Variants in TEX14 observed in about 807,000 individuals in gnomAD.
The protein encoded by TEX14 is inactive serine/threonine-protein kinase TEX14.
In TEX14, 168 loss-of-function variants were observed where a neutral mutation model predicts 178.6. That is an observed-to-expected ratio of 0.94 (90% CI 0.83 to 1.07). TEX14 has a LOEUF of 1.07. Among genes scored for constraint, TEX14 ranks in the 50% least tolerant of loss-of-function variants. The probability of loss-of-function intolerance (pLI) is 0.00; values close to 1 mark genes in which losing one functional copy is unlikely to be tolerated. For missense variants in TEX14, 1,730 were observed against 1,753.6 expected, an observed-to-expected ratio of 0.99 and a Z score of 0.24; for synonymous variants, 626 against 634.1, an observed-to-expected ratio of 0.99 and a Z score of 0.19.
intron 1 of TEX14, among the ~76,000 whole-genome samples, chr17:58,665,635 T>A (rs1291120525): frequency 6.6e-6 from 1 of 151,728 alleles, no homozygotes; most frequent in African/African-American, 2.4e-5. Flanking sequence ...ACTCATTGCG[T>A]TTACCTCACT....
intron 1 of TEX14, among the ~76,000 whole-genome samples, chr17:58,657,053 C>T (rs181212655): frequency 2.7e-4 from 41 of 152,088 alleles, no homozygotes; most frequent in Non-Finnish European, 4.9e-4. Flanking sequence ...AAACAATCCT[C>T]CTGCCTCAGG....
chr17:58,666,048 A>G (rs2047197788), intron 1 of TEX14, among the ~76,000 whole-genome samples: 1 of 147,282 alleles, frequency 6.8e-6, no homozygotes, highest in Non-Finnish European at 1.5e-5. Flanking sequence ...CTCTGTCTCA[A>G]AAAAAAAAAA....
intron 1 of TEX14, chr17:58,660,880 A>C (rs200691112): frequency 1.2e-6 from 1 of 801,000 alleles, no homozygotes; most frequent in African/African-American, 1.7e-5. Context: ...GTTTCATTGG[A>C]GGCCTCTTCT....
intron 21 of TEX14, among the ~76,000 whole-genome samples, chr17:58,575,264 G>A (rs1403071879): frequency 3.9e-5 from 6 of 151,928 alleles, no homozygotes; most frequent in African/African-American, 1.2e-4. Flanking sequence ...ACAGGCATGC[G>A]CCACCACGCC....
chr17:58,592,659 C>T (rs1027253520), intron 15 of TEX14, among the ~76,000 whole-genome samples: 2 of 151,708 alleles, frequency 1.3e-5, no homozygotes, highest in African/African-American at 4.8e-5. Context: ...GAGCTTCCAC[C>T]TCCCAAGTAG....
chr17:58,562,159 G>GCTTTTTGT (rs1220998635), intron 28 of TEX14, among the ~76,000 whole-genome samples: 1 of 152,136 alleles, frequency 6.6e-6, no homozygotes, highest in African/African-American at 2.4e-5. Context: ...AAAAGCCTTA[G>GCTTTTTGT]CACCTATTAA....
chr17:58,592,436 G>A (rs182627155), intron 15 of TEX14, among the ~76,000 whole-genome samples: 38 of 151,732 alleles, frequency 2.5e-4, no homozygotes, highest in African/African-American at 8.9e-4. Flanking sequence ...CTGGGTTCAC[G>A]CCATTTTCCT....
At chr17:58,632,306 TTAAA>T (rs1295733346) in intron 2 of TEX14, among the ~76,000 whole-genome samples, 3 of 152,246 alleles carry the variant, frequency 2.0e-5, no homozygotes, top group Non-Finnish European at 2.9e-5. Flanking sequence ...TTCCACACAC[TTAAA>T]TATTTTGTAT....
intron 1 of TEX14, among the ~76,000 whole-genome samples, chr17:58,677,059 C>G (rs2047407150): frequency 7.0e-6 from 1 of 143,012 alleles, no homozygotes; most frequent in African/African-American, 2.6e-5. Flanking sequence ...GTGGAGGGTG[C>G]TGGGAGCCGA....
intron 15 of TEX14, among the ~76,000 whole-genome samples, chr17:58,590,499 A>T (rs1456752684): frequency 6.6e-6 from 1 of 152,032 alleles, no homozygotes; most frequent in Non-Finnish European, 1.5e-5. Flanking sequence ...GAATGAAGCA[A>T]CCTAAAATTC....
rs766314199 is a variant in TEX14 at position 58,574,250 on chromosome 17, C to T, written c.3321-1G>A. 2.5e-6 allele frequency: 4 copies of T among 1,611,358 alleles called. No individual in the cohort carries two copies. The highest frequency in any genetic ancestry group is 2.7e-5 in the African/African-American group (2 of 74,850). ...TGTCTCTTCTTGTTCATCTTCAGTA[C>T]TGTGAGAAAGAAAGTAAGAAAATTA... On this transcript the variant is annotated splice_acceptor_variant, in intron 21 of 31. Coordinates refer to ENST00000349033, the MANE Select transcript of TEX14 (RefSeq NM_031272.5). LOFTEE classifies it high-confidence loss of function.
chr17:58,636,163 C>T (rs936325811), intron 2 of TEX14, among the ~76,000 whole-genome samples: 2 of 152,222 alleles, frequency 1.3e-5, no homozygotes, highest in African/African-American at 4.8e-5. Flanking sequence ...CTTAAGCAAA[C>T]ATGACCTTTG....
In TEX14 at chr17:58,570,412, C is replaced by T. The variant is rs1196865158; in HGVS notation, c.3790G>A (p.Ala1264Thr). Residue 1264 changes from alanine to threonine, a missense_variant, in exon 25 of 32, where the codon GCC becomes ACC. By Grantham distance (58) the Ala-to-Thr change is moderately conservative. Transcript: ENST00000349033. ...TTAGGCAGGCTCCTTCTCTGGGTGG[C>T]ATGGGGTGGTGATGAGTCACATGCC... ...VKACDSSPPH[A>T]TQRRSLPKVE... The T allele has an allele frequency of 1.1e-5, 17 of 1,519,042 alleles. No homozygotes were observed. The highest frequency in any genetic ancestry group is 2.9e-5 in the African/African-American group (2 of 68,234). 94.1% of individuals were successfully genotyped at this position (1,519,042 alleles called of 1,614,324 possible).
intron 24 of TEX14, among the ~76,000 whole-genome samples, chr17:58,570,688 C>T (rs1414943565): frequency 1.6e-5 from 2 of 123,950 alleles, no homozygotes; most frequent in African/African-American, 3.1e-5. Context: ...TGCAGTGGCA[C>T]AATCTCAGCT....
intron 2 of TEX14, among the ~76,000 whole-genome samples, chr17:58,636,015 G>A (rs912172901): frequency 3.3e-5 from 5 of 152,170 alleles, no homozygotes; most frequent in Non-Finnish European, 5.9e-5. Flanking sequence ...AAAGTGTTAG[G>A]ATTACAGGCG....
At chr17:58,632,185 C>T (rs969871091) in intron 2 of TEX14, among the ~76,000 whole-genome samples, 1 of 152,200 alleles carries the variant, frequency 6.6e-6, no homozygotes, top group Non-Finnish European at 1.5e-5. Flanking sequence ...TGATCGGAAG[C>T]AAGAAGGCCC....
At chr17:58,605,383 G>A (rs2045582527) in intron 10 of TEX14, among the ~76,000 whole-genome samples, 2 of 152,200 alleles carry the variant, frequency 1.3e-5, no homozygotes, top group Non-Finnish European at 2.9e-5. Flanking sequence ...TAGTAGAGAC[G>A]AGGTTTTGCC....
intron 21 of TEX14, among the ~76,000 whole-genome samples, chr17:58,575,499 TATTA>T (rs1315713138): frequency 1.3e-5 from 2 of 152,232 alleles, no homozygotes; most frequent in African/African-American, 2.4e-5. Context: ...GTTGTGACTT[TATTA>T]ATTCTGTTAC....
Position 58,568,128 on chromosome 17 carries a change from T to A in TEX14, c.3886+1064A>T, listed in dbSNP as rs1279392140. On this transcript the variant is annotated intron_variant, in intron 26 of 31. Coordinates refer to ENST00000349033, the MANE Select transcript of TEX14 (RefSeq NM_031272.5). ...GAATTTGCAAGGACTGCCTAGGGAA[T>A]CCCAGATATGGAAAGCAGGGGTGGG... 2.6e-5 allele frequency among the ~76,000 whole-genome samples: 4 copies of A among 152,140 alleles called. No homozygotes were observed. The East Asian group carries it at 7.7e-4, about 29-fold the overall frequency.
Sources: allele counts gnomAD v4.1 joint callset (sites outside exome capture counted in the v4.1 genomes callset), GRCh38; gene constraint gnomAD v4.1.1; transcripts MANE v1.5; gene names NCBI Gene and HGNC (gene_info 2026-07-23, HGNC 2026-07-21).